The following GDF5 variants were observed in gnomAD, a reference collection of about 807,000 sequenced individuals.
GDF5 encodes growth/differentiation factor 5.
Under a neutral mutation model 34.6 loss-of-function variants are expected in GDF5, and 17 were observed. That is an observed-to-expected ratio of 0.49 (90% CI 0.34 to 0.74). The LOEUF (loss-of-function observed/expected upper bound fraction) is 0.74, where lower values mean the gene tolerates loss of function less well. Ranked by LOEUF, GDF5 falls within the 30% of genes least tolerant of loss-of-function variation. GDF5 has a pLI of 0.01. For missense variants in GDF5, 616 were observed against 661.2 expected, an observed-to-expected ratio of 0.93 and a Z score of 0.75; for synonymous variants, 332 against 290.7, an observed-to-expected ratio of 1.14 and a Z score of -1.44.
chr20:35,439,990 C>T (rs963284407), upstream of GDF5, among the ~76,000 whole-genome samples: 3 of 131,708 alleles, frequency 2.3e-5, no homozygotes, highest in Non-Finnish European at 4.7e-5. Flanking sequence ...GATCTTGGCT[C>T]ACTGTAATCT....
At position 35,433,640 on chromosome 20, in the gene GDF5, C is replaced by G; in HGVS notation, c.*269G>C. ...TCGGAAAGCACTGTTTCCTGGGACT[C>G]AGTCCCATTCAGAGTCTGTCTCCCT... On this transcript the variant is annotated 3_prime_UTR_variant, in exon 2 of 2. Coordinates refer to ENST00000374369, the MANE Select transcript of GDF5 (RefSeq NM_000557.5). 1 of 520,552 alleles carries G rather than the reference C, an allele frequency of 1.9e-6. No individual in the cohort carries two copies. The highest frequency in any genetic ancestry group is 5.3e-4 in the Middle Eastern group (1 of 1,894). The allele number at this position is 520,552 out of a possible 1,614,324, so 32.2% of individuals were successfully genotyped here. A position where few individuals can be genotyped will look rare whatever the true frequency, so the allele number is the denominator to read the frequency against.
chr20:35,434,003 A>T lies in GDF5; in HGVS notation c.1412T>A (p.Leu471Gln), dbSNP rs2062455379. ...TPPTCCVPTRLSPISILFIDS... is the reference protein window; with the variant it reads ...TPPTCCVPTRQSPISILFIDS... Reference sequence around the variant, plus strand: ...AATGAAGAGGATGCTGATGGGACTCAGCCGCGTGGGCACACAGCAGGTGGG... The same window carrying T: ...AATGAAGAGGATGCTGATGGGACTCTGCCGCGTGGGCACACAGCAGGTGGG... Residue 471 changes from leucine (L) to glutamine (Q), a missense_variant, in exon 2 of 2, where the codon CTG becomes CAG. By Grantham distance (113) the Leu-to-Gln change is moderately radical. Coordinates refer to ENST00000374369, the MANE Select transcript of GDF5 (RefSeq NM_000557.5). 1 of 1,613,878 alleles carries T rather than the reference A, an allele frequency of 6.2e-7. No homozygotes were observed.
In GDF5 at chr20:35,437,462, C is replaced by T. The variant is rs746867223; in HGVS notation, c.467G>A (p.Arg156Gln). The change falls in exon 1 of 2, where the codon CGA becomes CAA. Residue 156 changes from arginine to glutamine, a missense_variant. By Grantham distance (43) the Arg-to-Gln change is conservative (BLOSUM62 1). Coordinates refer to ENST00000374369, the MANE Select transcript of GDF5 (RefSeq NM_000557.5). ...TGGGCGAAACGGCTCCTTGGGCTCT[C>T]GTGGGGGCCCGGGCTCCCTGGCCTT... ...LKKAREPGPP[R>Q]EPKEPFRPPP... The T allele has an allele frequency of 2.7e-5, 44 of 1,613,960 alleles. No individual in the cohort carries two copies. The highest frequency in any genetic ancestry group is 3.3e-5 in the Admixed American group (2 of 60,006).
At chr20:35,435,023 G>A in intron 1 of GDF5, 1 of 634,496 alleles carries the variant, frequency 1.6e-6, no homozygotes, top group Non-Finnish European at 2.9e-6. Context: ...TGATTTGCGT[G>A]ATTCTGGTGT....
At chr20:35,436,665 A>C (rs1452111671) in intron 1 of GDF5, among the ~76,000 whole-genome samples, 1 of 152,130 alleles carries the variant, frequency 6.6e-6, no homozygotes, top group Admixed American at 6.5e-5. Context: ...GGGCTCTCAG[A>C]AACCACCCTG....
At chr20:35,443,345 T>G (rs1190212913) in intron 1 of GDF5, among the ~76,000 whole-genome samples, 2 of 152,018 alleles carry the variant, frequency 1.3e-5, no homozygotes, top group Non-Finnish European at 2.9e-5. Flanking sequence ...AATATTAATG[T>G]CAAACTTGAG....
intron 1 of GDF5, among the ~76,000 whole-genome samples, chr20:35,451,076 T>TATATATATATATATAA (rs2062531378): frequency 3.3e-4 from 14 of 42,676 alleles, no homozygotes; most frequent in African/African-American, 2.0e-3. Context: ...TATATATATA[T>TATATATATATATATAA]ATATATATAT....
intron 1 of GDF5, among the ~76,000 whole-genome samples, chr20:35,435,878 A>C (rs2062470341): frequency 6.6e-6 from 1 of 152,202 alleles, no homozygotes; most frequent in Non-Finnish European, 1.5e-5. Flanking sequence ...TTTGAAGAGC[A>C]CATATATGTC....
chr20:35,440,582 A>G (rs768115911), upstream of GDF5, among the ~76,000 whole-genome samples: 1 of 152,104 alleles, frequency 6.6e-6, no homozygotes, highest in Non-Finnish European at 1.5e-5. Context: ...GCCTTCTTGC[A>G]TCCTCCAGAA....
At chr20:35,452,471 A>G (rs2062536915) in intron 1 of GDF5, among the ~76,000 whole-genome samples, 1 of 152,246 alleles carries the variant, frequency 6.6e-6, no homozygotes, top group Non-Finnish European at 1.5e-5. Flanking sequence ...TGCCCAGGCT[A>G]GAGCACAATG....
rs887874402 is a variant in GDF5 at position 35,438,202 on chromosome 20, C to T, written c.-274G>A. ...TAACTCGTTCTTGAAAGGAGAAAGC[C>T]GACCGCCCCCTTTCTCCTGCACAAC... On this transcript the variant is annotated 5_prime_UTR_variant, in exon 1 of 2. Transcript: ENST00000374369. The T allele has an allele frequency of 5.6e-6, 3 of 534,004 alleles. No individual in the cohort carries two copies. The highest frequency in any genetic ancestry group is 4.3e-5 in the South Asian group (2 of 46,950). The allele number at this position is 534,004 out of a possible 1,614,324, so 33.1% of individuals were successfully genotyped here.
At chr20:35,450,302 TAA>T (rs796096796) in intron 1 of GDF5, among the ~76,000 whole-genome samples, 10 of 125,994 alleles carry the variant, frequency 7.9e-5, no homozygotes, top group Admixed American at 8.0e-5. Context: ...TGAGACTCTG[TAA>T]AAAAAAAAAA....
chr20:35,435,964 G>A lies in GDF5; in HGVS notation c.632-1181C>T, dbSNP rs938697849. On this transcript the variant is annotated intron_variant, in intron 1 of 1. Transcript: ENST00000374369. ...CATGCATATGTGTGTGATTCGGCATGTGTGTACGTGTGTGATTCAGCACGT... is the reference window on the plus strand; with the variant it reads ...CATGCATATGTGTGTGATTCGGCATATGTGTACGTGTGTGATTCAGCACGT... Among the ~76,000 whole-genome samples the A allele has an allele frequency of 2.6e-5, 4 of 152,296 alleles. No homozygotes were observed. The East Asian group carries it at 7.7e-4, about 29-fold the overall frequency.
chr20:35,441,443 G>A (rs1433378579), upstream of GDF5: 2 of 145,450 alleles, frequency 1.4e-5, no homozygotes, highest in Non-Finnish European at 3.0e-5. Context: ...AATGGCAATT[G>A]TTAATGATAG....
At chr20:35,450,002 AAGAG>A (rs1204075511) in intron 1 of GDF5, among the ~76,000 whole-genome samples, 28 of 150,600 alleles carry the variant, frequency 1.9e-4, no homozygotes, top group Non-Finnish European at 5.9e-5. Context: ...AAAAAAAAAA[AAGAG>A]AGAGAGAGAG....
In GDF5 at chr20:35,438,087, G is replaced by GA; in HGVS notation, c.-160dup. The GA allele has an allele frequency of 1.3e-6, 1 of 790,960 alleles. No individual in the cohort carries two copies. The allele number at this position is 790,960 out of a possible 1,614,324, so 49.0% of individuals were successfully genotyped here. A position where few individuals can be genotyped will look rare whatever the true frequency, so the allele number is the denominator to read the frequency against. On this transcript the variant is annotated 5_prime_UTR_variant, in exon 1 of 2. Coordinates refer to ENST00000374369, the MANE Select transcript of GDF5 (RefSeq NM_000557.5). ...GCTTTCTCCTCAGTCTGAGACTCTT[G>GA]AAGTCTGCCGGGTGTGTGTTTGTAT...
At position 35,437,708 on chromosome 20, in the gene GDF5, G is replaced by C. The variant is rs774353141; in HGVS notation, c.221C>G (p.Ala74Gly). ...CTGCCCGGTGCCTCCCTTTGCCCTGGCATTGGCATTGGTGGCCCCCCCACC... is the reference window on the plus strand; with the variant it reads ...CTGCCCGGTGCCTCCCTTTGCCCTGCCATTGGCATTGGTGGCCCCCCCACC... ...SYGGGATNAN[A>G]RAKGGTGQTG... is the part of the protein sequence containing the mutation. The change falls in exon 1 of 2, where the codon GCC becomes GGC. Residue 74 changes from alanine to glycine, a missense_variant. By Grantham distance (60) the Ala-to-Gly change is moderately conservative. Transcript: ENST00000374369. 1.2e-6 allele frequency: 2 copies of C among 1,613,888 alleles called. No homozygotes were observed. The highest frequency in any genetic ancestry group is 1.7e-6 in the Non-Finnish European group (2 of 1,179,900).
intron 1 of GDF5, among the ~76,000 whole-genome samples, chr20:35,444,559 T>A (rs181317530): frequency 2.6e-5 from 4 of 152,230 alleles, no homozygotes; most frequent in Admixed American, 2.0e-4. Context: ...TGTATGGCCT[T>A]ATAAGCCCTG....
chr20:35,448,312 G>T (rs2062519928), intron 1 of GDF5, among the ~76,000 whole-genome samples: 1 of 151,040 alleles, frequency 6.6e-6, no homozygotes, highest in South Asian at 2.1e-4. Flanking sequence ...CTCAGAAAGG[G>T]AAAGAGGGTT....
Sources: gnomAD v4.1 joint callset for allele counts (sites outside exome capture counted in the v4.1 genomes callset) on GRCh38, gnomAD v4.1.1 for gene constraint, MANE v1.5 for transcripts, NCBI Gene and HGNC (gene_info 2026-07-23, HGNC 2026-07-21) for gene names.